The following IQCJ variants were observed in gnomAD, a reference collection of about 807,000 sequenced individuals.
IQCJ encodes IQ motif containing J.
A neutral mutation model predicts 11.0 loss-of-function variants in IQCJ; 9 were observed. That is an observed-to-expected ratio of 0.82 (90% confidence interval 0.49 to 1.43). IQCJ has a LOEUF of 1.43. Among genes scored for constraint, IQCJ ranks in the 40% most tolerant of loss-of-function variants. The probability of loss-of-function intolerance (pLI) is 0.00; values close to 1 mark genes in which losing one functional copy is unlikely to be tolerated. For missense variants in IQCJ, 146 were observed against 133.2 expected, an observed-to-expected ratio of 1.10 and a Z score of -0.47; for synonymous variants, 55 against 51.3, an observed-to-expected ratio of 1.07 and a Z score of -0.31.
At chr3:159,205,398 C>T (rs1017623710) in intron 1 of IQCJ, among the ~76,000 whole-genome samples, 1 of 152,148 alleles carries the variant, frequency 6.6e-6, no homozygotes, top group Non-Finnish European at 1.5e-5. Flanking sequence ...CAGAGTACTG[C>T]CAACCAGGAA....
At chr3:159,128,881 C>T (rs553409039) in intron 1 of IQCJ, among the ~76,000 whole-genome samples, 2 of 152,236 alleles carry the variant, frequency 1.3e-5, no homozygotes, top group East Asian at 3.9e-4. Context: ...ATGATGTAGC[C>T]CCTTGTTTTC....
chr3:159,205,981 C>A (rs1039136793), intron 1 of IQCJ, among the ~76,000 whole-genome samples: 1 of 152,174 alleles, frequency 6.6e-6, no homozygotes, highest in African/African-American at 2.4e-5. Context: ...ACTGAGTGGG[C>A]AGTGCCTTAA....
chr3:159,216,734 T>C (rs1725256716), intron 1 of IQCJ, among the ~76,000 whole-genome samples: 1 of 152,174 alleles, frequency 6.6e-6, no homozygotes, highest in African/African-American at 2.4e-5. Flanking sequence ...GCACAGTCCA[T>C]TTCCCATTAA....
At chr3:159,142,294 G>A (rs529758121) in intron 1 of IQCJ, among the ~76,000 whole-genome samples, 20 of 152,292 alleles carry the variant, frequency 1.3e-4, no homozygotes, top group African/African-American at 4.8e-4. Flanking sequence ...TGCTTGAGGT[G>A]TGTACCCAAA....
intron 1 of IQCJ, among the ~76,000 whole-genome samples, chr3:159,213,818 A>AT (rs771267901): frequency 6.6e-6 from 1 of 152,170 alleles, no homozygotes; most frequent in Non-Finnish European, 1.5e-5. Flanking sequence ...ATGTCATCAC[A>AT]GTTTTCCATT....
intron 1 of IQCJ, among the ~76,000 whole-genome samples, chr3:159,184,281 A>G (rs1723263762): frequency 6.6e-6 from 1 of 151,856 alleles, no homozygotes; most frequent in South Asian, 2.1e-4. Context: ...TATCTGAAAC[A>G]CTCTTTCTCC....
chr3:159,201,193 G>A (rs921298688), intron 1 of IQCJ, among the ~76,000 whole-genome samples: 4 of 152,114 alleles, frequency 2.6e-5, no homozygotes, highest in Non-Finnish European at 5.9e-5. Context: ...GTAATAGGCT[G>A]ATTACATTTA....
intron 1 of IQCJ, among the ~76,000 whole-genome samples, chr3:159,110,982 T>C (rs1317088824): frequency 1.3e-5 from 2 of 152,210 alleles, no homozygotes; most frequent in African/African-American, 2.4e-5. Context: ...AGATCCTTTA[T>C]GATAACAGAA....
intron 1 of IQCJ, among the ~76,000 whole-genome samples, chr3:159,216,800 C>G (rs565267503): frequency 2.7e-4 from 41 of 152,152 alleles, no homozygotes; most frequent in African/African-American, 9.9e-4. Context: ...TCAAAACAAC[C>G]CTTGAAGTTA....
At chr3:159,136,021 G>T (rs1414108860) in intron 1 of IQCJ, among the ~76,000 whole-genome samples, 20 of 152,128 alleles carry the variant, frequency 1.3e-4, no homozygotes, top group Admixed American at 1.3e-3. Context: ...TTACAGAAGG[G>T]ATCAGGATTG....
chr3:159,160,088 A>G (rs1721750835), intron 1 of IQCJ, among the ~76,000 whole-genome samples: 1 of 152,198 alleles, frequency 6.6e-6, no homozygotes, highest in Non-Finnish European at 1.5e-5. Flanking sequence ...TAAAGCTATC[A>G]AGAGAGACAG....
At chr3:159,230,939 T>C (rs1726212599) in intron 1 of IQCJ, among the ~76,000 whole-genome samples, 1 of 152,192 alleles carries the variant, frequency 6.6e-6, no homozygotes, top group Non-Finnish European at 1.5e-5. Context: ...TGAGGCCTCC[T>C]ATTTTAGCTC....
At chr3:159,172,335 G>A (rs1376620437) in intron 1 of IQCJ, among the ~76,000 whole-genome samples, 1 of 152,142 alleles carries the variant, frequency 6.6e-6, no homozygotes. Context: ...TAAATGTTGT[G>A]ACTTACAACC....
chr3:159,132,719 T>C (rs1284411174), intron 1 of IQCJ, among the ~76,000 whole-genome samples: 1 of 152,212 alleles, frequency 6.6e-6, no homozygotes, highest in Non-Finnish European at 1.5e-5. Context: ...GAAGATGTCG[T>C]ATCTAGTTTT....
chr3:159,191,006 T>C (rs2108039880), intron 1 of IQCJ, among the ~76,000 whole-genome samples: 1 of 152,310 alleles, frequency 6.6e-6, no homozygotes. Context: ...GATGTTCCTA[T>C]TCTCAGGGAT....
chr3:159,160,969 A>C (rs1721816079), intron 1 of IQCJ, among the ~76,000 whole-genome samples: 2 of 152,158 alleles, frequency 1.3e-5, no homozygotes, highest in South Asian at 2.1e-4. Context: ...CTTTGCTATT[A>C]TGAATAATGC....
At chr3:159,161,157 A>C (rs1159014678) in intron 1 of IQCJ, among the ~76,000 whole-genome samples, 1 of 152,090 alleles carries the variant, frequency 6.6e-6, no homozygotes, top group East Asian at 1.9e-4. Flanking sequence ...AACAGTGTAA[A>C]AGTGTTCCTA....
intron 1 of IQCJ, among the ~76,000 whole-genome samples, chr3:159,106,611 T>A (rs1718280511): frequency 6.6e-6 from 1 of 152,168 alleles, no homozygotes; most frequent in African/African-American, 2.4e-5. Flanking sequence ...GGGTTTTTCC[T>A]TACACCAACA....
intron 1 of IQCJ, among the ~76,000 whole-genome samples, chr3:159,232,451 CTTTTTT>C (rs35423818): frequency 1.2e-5 from 1 of 83,762 alleles, no homozygotes; most frequent in Non-Finnish European, 2.3e-5. Context: ...GAGAGACTTT[CTTTTTT>C]TTTTTTTTTT....
Sources: allele counts gnomAD v4.1 joint callset (sites outside exome capture counted in the v4.1 genomes callset), GRCh38; gene constraint gnomAD v4.1.1; transcripts MANE v1.5; gene names NCBI Gene and HGNC (gene_info 2026-07-23, HGNC 2026-07-21).